NELL1: variants seen among roughly 807,000 people sequenced by gnomAD.
The protein encoded by NELL1 is protein kinase C-binding protein NELL1.
NELL1 carries 76 observed loss-of-function variants against 107.4 expected under a neutral mutation model. The observed-to-expected ratio is 0.71, with a 90% CI of 0.59 to 0.86. The LOEUF (loss-of-function observed/expected upper bound fraction) is 0.86, where lower values mean the gene tolerates loss of function less well. Among genes scored for constraint, NELL1 ranks in the 40% least tolerant of loss-of-function variants. The probability of loss-of-function intolerance (pLI) is 0.00; values close to 1 mark genes in which losing one functional copy is unlikely to be tolerated. For synonymous variants in NELL1, 353 were observed against 341.2 expected, an observed-to-expected ratio of 1.03 and a Z score of -0.38; for missense variants, 1,024 against 1,005.5, an observed-to-expected ratio of 1.02 and a Z score of -0.25.
chr11:20,768,091 ATCAC>A (rs1224253374), intron 2 of NELL1, among the ~76,000 whole-genome samples: 1 of 152,210 alleles, frequency 6.6e-6, no homozygotes, highest in Non-Finnish European at 1.5e-5. Context: ...ATTATTAATA[ATCAC>A]TCACATTATT....
At chr11:20,791,557 T>G (rs1164842536) in intron 3 of NELL1, among the ~76,000 whole-genome samples, 1 of 152,142 alleles carries the variant, frequency 6.6e-6, no homozygotes, top group East Asian at 1.9e-4. Context: ...TGCTGCCTGT[T>G]AGTTCATTTT....
Position 21,403,488 on chromosome 11 carries a change from T to A in NELL1, c.1645+32540T>A, listed in dbSNP as rs558772890. ...GTGCTCAAACAACGTTATGACCCTGTCTTTCATATCTGGATGAGTTTCATG... is the reference window on the plus strand; with the variant it reads ...GTGCTCAAACAACGTTATGACCCTGACTTTCATATCTGGATGAGTTTCATG... On this transcript the variant is annotated intron_variant, in intron 15 of 19. Transcript: ENST00000357134. Among the ~76,000 whole-genome samples, 52 of 151,900 alleles carry A rather than the reference T, an allele frequency of 3.4e-4. 1 individual carries two copies. The highest frequency in any genetic ancestry group is 1.2e-3 in the African/African-American group (51 of 41,378).
At chr11:21,012,581 C>T (rs1161995625) in intron 12 of NELL1, among the ~76,000 whole-genome samples, 2 of 152,132 alleles carry the variant, frequency 1.3e-5, no homozygotes, top group Non-Finnish European at 2.9e-5. Flanking sequence ...GTCTAATATA[C>T]ATACAGTTCG....
intron 5 of NELL1, among the ~76,000 whole-genome samples, chr11:20,896,043 A>G (rs1293262516): frequency 6.6e-6 from 1 of 151,988 alleles, no homozygotes; most frequent in African/African-American, 2.4e-5. Flanking sequence ...ACATAGATAA[A>G]TTCTTTAGTG....
chr11:21,548,161 G>A (rs1856489286), intron 16 of NELL1, among the ~76,000 whole-genome samples: 1 of 151,884 alleles, frequency 6.6e-6, no homozygotes, highest in Non-Finnish European at 1.5e-5. Context: ...AAATGCAGAG[G>A]AGTGAATAAG....
Position 21,182,578 on chromosome 11 carries a change from G to A in NELL1, c.1427-46754G>A, listed in dbSNP as rs537703365. Reference sequence around the variant, plus strand: ...CTACATATTAAAGAACTTATAATACGAAAAGAGCATAAAGTTATCACAGAA... The same window carrying A: ...CTACATATTAAAGAACTTATAATACAAAAAGAGCATAAAGTTATCACAGAA... On this transcript the variant is annotated intron_variant, in intron 13 of 19. Coordinates refer to ENST00000357134, the MANE Select transcript of NELL1 (RefSeq NM_006157.5). Among the ~76,000 whole-genome samples, 33 of 151,710 alleles carry A rather than the reference G, an allele frequency of 2.2e-4. No homozygotes were observed. The East Asian group carries it at 2.5e-3, about 12-fold the overall frequency.
intron 15 of NELL1, among the ~76,000 whole-genome samples, chr11:21,474,936 T>G (rs1252442419): frequency 6.6e-6 from 1 of 152,118 alleles, no homozygotes; most frequent in Admixed American, 6.6e-5. Context: ...AAGCTTTTGT[T>G]GCATCGCTTA....
At chr11:21,364,980 A>C (rs1022598971) in intron 14 of NELL1, among the ~76,000 whole-genome samples, 3 of 152,166 alleles carry the variant, frequency 2.0e-5, no homozygotes, top group Non-Finnish European at 4.4e-5. Flanking sequence ...CAAAACTTTG[A>C]CCTGAAATGT....
At chr11:20,925,989 G>A (rs12294728) in intron 7 of NELL1, among the ~76,000 whole-genome samples, 4,689 of 152,170 alleles carry the variant, frequency 0.031, 185 homozygotes, top group East Asian at 0.13. Context: ...TAAAATAGTG[G>A]CTCAAAATAA....
intron 3 of NELL1, among the ~76,000 whole-genome samples, chr11:20,807,054 GTT>G (rs113224546): frequency 7.0e-6 from 1 of 143,456 alleles, no homozygotes; most frequent in African/African-American, 2.5e-5. Flanking sequence ...GCATTATTTA[GTT>G]TTTTTTTTTT....
At chr11:21,374,289 G>T (rs556094072) in intron 15 of NELL1, among the ~76,000 whole-genome samples, 13 of 152,022 alleles carry the variant, frequency 8.6e-5, no homozygotes, top group Non-Finnish European at 1.6e-4. Flanking sequence ...TTATGAGATT[G>T]CAGTCAAGAT....
chr11:21,026,849 A>G (rs1852825389), intron 12 of NELL1, among the ~76,000 whole-genome samples: 1 of 152,188 alleles, frequency 6.6e-6, no homozygotes, highest in Non-Finnish European at 1.5e-5. Context: ...TCACACAGCT[A>G]AGTATGACAT....
At chr11:20,926,573 A>C (rs1474134722) in intron 7 of NELL1, among the ~76,000 whole-genome samples, 1 of 152,210 alleles carries the variant, frequency 6.6e-6, no homozygotes, top group Non-Finnish European at 1.5e-5. Flanking sequence ...AAGGCTAGAT[A>C]ATCACTTGAG....
intron 13 of NELL1, among the ~76,000 whole-genome samples, chr11:21,186,056 C>G (rs1011437398): frequency 6.6e-6 from 1 of 151,770 alleles, no homozygotes; most frequent in Non-Finnish European, 1.5e-5. Context: ...CTGGATACAT[C>G]TAACCACCAT....
intron 12 of NELL1, among the ~76,000 whole-genome samples, chr11:21,002,700 G>A (rs576029950): frequency 2.0e-5 from 3 of 152,266 alleles, no homozygotes; most frequent in African/African-American, 7.2e-5. Flanking sequence ...ATTGCCTCAT[G>A]TATTGTGGAT....
At chr11:20,694,190 A>T (rs1356875179) in intron 2 of NELL1, among the ~76,000 whole-genome samples, 1 of 151,790 alleles carries the variant, frequency 6.6e-6, no homozygotes, top group Non-Finnish European at 1.5e-5. Flanking sequence ...ATTCGTCTAA[A>T]TTTTTTTCAA....
intron 2 of NELL1, among the ~76,000 whole-genome samples, chr11:20,776,504 G>C (rs1856753814): frequency 6.6e-6 from 1 of 151,788 alleles, no homozygotes; most frequent in Non-Finnish European, 1.5e-5. Flanking sequence ...TTAATAAAAT[G>C]ATTACACATG....
intron 3 of NELL1, among the ~76,000 whole-genome samples, chr11:20,818,291 A>G (rs1857668526): frequency 6.6e-6 from 1 of 152,018 alleles, no homozygotes; most frequent in African/African-American, 2.4e-5. Flanking sequence ...TATTTATTAT[A>G]AGTAAGTCTT....
chr11:20,740,012 A>G (rs970707425), intron 2 of NELL1, among the ~76,000 whole-genome samples: 5 of 152,204 alleles, frequency 3.3e-5, no homozygotes, highest in Non-Finnish European at 5.9e-5. Flanking sequence ...CATTTGCCAC[A>G]TACTATTCTT....
Sources: gnomAD v4.1 joint callset for allele counts (sites outside exome capture counted in the v4.1 genomes callset) on GRCh38, gnomAD v4.1.1 for gene constraint, MANE v1.5 for transcripts, NCBI Gene and HGNC (gene_info 2026-07-23, HGNC 2026-07-21) for gene names.